Variants in CCDC91 observed in about 807,000 individuals in gnomAD.
CCDC91 encodes the protein coiled-coil domain-containing protein 91.
A neutral mutation model predicts 63.2 loss-of-function variants in CCDC91; 48 were observed. The observed-to-expected ratio is 0.76, with a 90% CI of 0.60 to 0.97. CCDC91 has a LOEUF of 0.97. CCDC91 is among the 50% of genes least tolerant of loss of function. CCDC91 has a pLI of 0.00. For synonymous variants in CCDC91, 167 were observed against 165.8 expected, an observed-to-expected ratio of 1.01 and a Z score of -0.06; for missense variants, 500 against 494.6, an observed-to-expected ratio of 1.01 and a Z score of -0.10.
At chr12:28,506,556 C>T (rs1737484447) in intron 12 of CCDC91, among the ~76,000 whole-genome samples, 1 of 151,948 alleles carries the variant, frequency 6.6e-6, no homozygotes, top group African/African-American at 2.4e-5. Context: ...AGCTAAAAAG[C>T]AACAAATGTT....
intron 12 of CCDC91, among the ~76,000 whole-genome samples, chr12:28,496,491 A>G (rs1330296751): frequency 2.0e-5 from 3 of 151,592 alleles, no homozygotes; most frequent in African/African-American, 7.3e-5. Flanking sequence ...GAAATTTTTT[A>G]AACATAGGGA....
At chr12:28,471,560 C>T (rs4930824) in intron 11 of CCDC91, among the ~76,000 whole-genome samples, 141,839 of 152,118 alleles carry the variant, frequency 0.93, 66,665 homozygotes, top group African/African-American at 0.99. Context: ...TTAACAGACC[C>T]AGAGAACAAC....
At chr12:28,260,394 A>G (rs760258685) in intron 3 of CCDC91, among the ~76,000 whole-genome samples, 3 of 152,000 alleles carry the variant, frequency 2.0e-5, no homozygotes, top group Non-Finnish European at 4.4e-5. Flanking sequence ...AGAAAGATAA[A>G]TGGAACAAAA....
intron 3 of CCDC91, among the ~76,000 whole-genome samples, chr12:28,301,358 GTATTA>G: frequency 6.6e-6 from 1 of 151,560 alleles, no homozygotes; most frequent in Middle Eastern, 3.4e-3. Flanking sequence ...TTATTATGGA[GTATTA>G]TATTAATGAA....
At chr12:28,289,690 T>TG (rs1342823908) in intron 3 of CCDC91, among the ~76,000 whole-genome samples, 1 of 84,570 alleles carries the variant, frequency 1.2e-5, no homozygotes, top group Non-Finnish European at 3.3e-5. Context: ...CTTTTCTTTT[T>TG]TTTTTTTTTT....
intron 2 of CCDC91, among the ~76,000 whole-genome samples, chr12:28,257,800 T>A (rs1266290212): frequency 6.6e-6 from 1 of 152,088 alleles, no homozygotes; most frequent in East Asian, 1.9e-4. Flanking sequence ...CAATGTGTGT[T>A]CATTTTATTG....
At chr12:28,252,855 T>C (rs1302817973) in intron 1 of CCDC91, among the ~76,000 whole-genome samples, 1 of 152,210 alleles carries the variant, frequency 6.6e-6, no homozygotes, top group African/African-American at 2.4e-5. Flanking sequence ...CAAACACTTA[T>C]ATAATGCTTA....
At chr12:28,406,292 AAT>A (rs1400029563) in intron 8 of CCDC91, among the ~76,000 whole-genome samples, 1 of 151,854 alleles carries the variant, frequency 6.6e-6, no homozygotes, top group African/African-American at 2.4e-5. Context: ...AAAAAAAAAA[AAT>A]CCCTCAATTT....
At chr12:28,543,161 G>A (rs768384750) in intron 12 of CCDC91, among the ~76,000 whole-genome samples, 1 of 151,996 alleles carries the variant, frequency 6.6e-6, no homozygotes, top group Non-Finnish European at 1.5e-5. Context: ...TGATTGGATT[G>A]AAGCCCTACC....
At chr12:28,206,635 C>T (rs1942875034) in intron 1 of CCDC91, among the ~76,000 whole-genome samples, 1 of 152,038 alleles carries the variant, frequency 6.6e-6, no homozygotes, top group Non-Finnish European at 1.5e-5. Context: ...TTCATTAATC[C>T]CCTGCAACTG....
At chr12:28,415,169 C>G (rs1449580505) in intron 8 of CCDC91, among the ~76,000 whole-genome samples, 1 of 150,834 alleles carries the variant, frequency 6.6e-6, no homozygotes, top group East Asian at 1.9e-4. Context: ...TCCTTTAAGG[C>G]TCTTCTCTTT....
At position 28,318,549 on chromosome 12, in the gene CCDC91, T is replaced by C. The variant is rs78227483; in HGVS notation, c.576+10800T>C. Among the ~76,000 whole-genome samples the C allele has an allele frequency of 2.4e-3, 361 of 151,924 alleles. 2 individuals are homozygous for C. The highest frequency in any genetic ancestry group is 8.2e-3 in the African/African-American group (341 of 41,480). On this transcript the variant is annotated intron_variant, in intron 6 of 12. Coordinates refer to ENST00000536442, the MANE Select transcript of CCDC91 (RefSeq NM_018318.5). ...GAGCCAGACCCTGTCTCCAAAAAAA[T>C]TTCTTTTTCAATTATTTGTTACGGA...
chr12:28,484,192 T>A (rs769620279), intron 12 of CCDC91, 27 bp downstream of exon 12: 4 of 1,329,106 alleles, frequency 3.0e-6, no homozygotes, highest in Non-Finnish European at 3.2e-6. Context: ...GAGTTTTAAT[T>A]TGTGCTTCAA....
At chr12:28,267,824 T>G (rs373817503) in intron 3 of CCDC91, among the ~76,000 whole-genome samples, 20 of 30,838 alleles carry the variant, frequency 6.5e-4, no homozygotes, top group Non-Finnish European at 9.9e-4. Flanking sequence ...AATTATATTA[T>G]TAATATATAA....
At chr12:28,471,191 A>G (rs1478284179) in intron 11 of CCDC91, among the ~76,000 whole-genome samples, 1 of 152,220 alleles carries the variant, frequency 6.6e-6, no homozygotes, top group African/African-American at 2.4e-5. Context: ...GCCAAGATAC[A>G]TAAAAGTTCC....
chr12:28,285,352 C>T (rs1188887793), intron 3 of CCDC91, among the ~76,000 whole-genome samples: 2 of 151,950 alleles, frequency 1.3e-5, no homozygotes, highest in African/African-American at 4.8e-5. Context: ...AGAATAAATC[C>T]ACCTCTCAGA....
intron 11 of CCDC91, among the ~76,000 whole-genome samples, chr12:28,473,637 A>G (rs1292445495): frequency 1.3e-5 from 2 of 152,144 alleles, no homozygotes; most frequent in African/African-American, 4.8e-5. Context: ...CATAGAGCCT[A>G]AGTTTGAATA....
chr12:28,293,687 C>T (rs1347225197), intron 3 of CCDC91, among the ~76,000 whole-genome samples: 2 of 151,574 alleles, frequency 1.3e-5, no homozygotes, highest in Non-Finnish European at 2.9e-5. Flanking sequence ...TTAACTTATC[C>T]TTTTCCTATT....
chr12:28,259,344 A>T lies in CCDC91; in HGVS notation c.31-20A>T. On this transcript the variant is annotated intron_variant, in intron 2 of 12. Transcript: ENST00000536442. ...TCTGCTTTTCACATCTTCTAAAATAATCTTGCCTTTGTCTTGTAGGCTGCG... is the reference window on the plus strand; with the variant it reads ...TCTGCTTTTCACATCTTCTAAAATATTCTTGCCTTTGTCTTGTAGGCTGCG... The T allele has an allele frequency of 6.3e-7, 1 of 1,590,294 alleles. No individual in the cohort carries two copies. The highest frequency in any genetic ancestry group is 8.6e-7 in the Non-Finnish European group (1 of 1,159,442).
Sources: gnomAD v4.1 joint callset for allele counts (sites outside exome capture counted in the v4.1 genomes callset) on GRCh38, gnomAD v4.1.1 for gene constraint, MANE v1.5 for transcripts, NCBI Gene and HGNC (gene_info 2026-07-23, HGNC 2026-07-21) for gene names.